CEP162: variants seen among roughly 807,000 people sequenced by gnomAD.
CEP162 encodes the protein centrosomal protein 162, also known as centrosomal protein of 162 kDa.
A neutral mutation model predicts 169.2 loss-of-function variants in CEP162; 141 were observed. The ratio of observed to expected loss-of-function variants is 0.83; its 90% CI spans 0.73 to 0.96. The LOEUF (loss-of-function observed/expected upper bound fraction) is 0.96, where lower values mean the gene tolerates loss of function less well. Among genes scored for constraint, CEP162 ranks in the 40% least tolerant of loss-of-function variants. The pLI is 0.00. For synonymous variants in CEP162, 540 were observed against 526.4 expected (o/e 1.03, Z -0.35); for missense variants, 1,600 against 1,587.2 (o/e 1.01, Z -0.14).
intron 6 of CEP162, among the ~76,000 whole-genome samples, chr6:84,205,255 G>T (rs1309691636): frequency 1.3e-5 from 2 of 152,066 alleles, no homozygotes; most frequent in Non-Finnish European, 2.9e-5. Flanking sequence ...ACCAAAGCCT[G>T]GCAGAGACAC....
chr6:84,125,987 T>C (rs1175033481), intron 26 of CEP162, among the ~76,000 whole-genome samples: 2 of 152,196 alleles, frequency 1.3e-5, no homozygotes, highest in Non-Finnish European at 2.9e-5. Flanking sequence ...TAATTAAGTA[T>C]AGTAATATTA....
chr6:84,204,091 A>C lies in CEP162; in HGVS notation c.577T>G (p.Tyr193Asp). 6.3e-7 allele frequency: 1 copy of C among 1,576,192 alleles called. No individual in the cohort carries two copies. The change falls in exon 7 of 27, where the codon TAC becomes GAC. Residue 193 changes from tyrosine to aspartate, a missense_variant. Tyr to Asp is a radical substitution (Grantham distance 160, BLOSUM62 -3). Transcript: ENST00000403245. ...TACTCATCTTCAAAATCATCACTGT[A>C]ATTTTCTGAAGAAAGTAATTTTTAA... is the stretch of plus-strand genomic sequence containing the variant. Reference protein sequence around the residue: ...ESKHEELAENYSDDFEDEYVG... With the variant: ...ESKHEELAENDSDDFEDEYVG...
chr6:84,189,543 C>T (rs1016938398), intron 11 of CEP162, among the ~76,000 whole-genome samples: 1 of 152,186 alleles, frequency 6.6e-6, no homozygotes, highest in Non-Finnish European at 1.5e-5. Context: ...TACTGAGTCC[C>T]CCAGCAGTGC....
At chr6:84,181,620 T>C (rs1319057607) in intron 13 of CEP162, among the ~76,000 whole-genome samples, 3 of 152,086 alleles carry the variant, frequency 2.0e-5, no homozygotes, top group Admixed American at 1.3e-4. Context: ...CGAAACCTTC[T>C]TGAAATAGCA....
intron 22 of CEP162, among the ~76,000 whole-genome samples, chr6:84,154,321 T>C (rs1455704495): frequency 1.5e-5 from 2 of 132,928 alleles, no homozygotes; most frequent in Admixed American, 6.9e-5. Flanking sequence ...GATATCTATC[T>C]ATCTATCTAT....
chr6:84,178,279 C>A (rs1176821007), intron 13 of CEP162, among the ~76,000 whole-genome samples: 3 of 150,846 alleles, frequency 2.0e-5, no homozygotes, highest in Non-Finnish European at 4.4e-5. Context: ...TTTTTTAAGT[C>A]CTTATCTTTA....
chr6:84,138,790 C>G (rs1177639139), intron 25 of CEP162, among the ~76,000 whole-genome samples: 1 of 152,144 alleles, frequency 6.6e-6, no homozygotes, highest in African/African-American at 2.4e-5. Context: ...ATTGCTTTCA[C>G]TAAAAACTTT....
intron 17 of CEP162, 61 bp from the exon 18 acceptor site, chr6:84,169,494 A>G: frequency 5.3e-6 from 5 of 934,634 alleles, no homozygotes; most frequent in Non-Finnish European, 8.0e-6. Flanking sequence ...CTTTCAGTAG[A>G]AAATATTCAA....
chr6:84,128,091 T>G (rs1004960392), intron 25 of CEP162, among the ~76,000 whole-genome samples: 1 of 152,206 alleles, frequency 6.6e-6, no homozygotes, highest in African/African-American at 2.4e-5. Flanking sequence ...ACCTCACTAT[T>G]CCTAGCACCC....
chr6:84,167,524 G>A (rs1309500115), intron 18 of CEP162, among the ~76,000 whole-genome samples: 5 of 152,132 alleles, frequency 3.3e-5, no homozygotes, highest in Non-Finnish European at 7.4e-5. Context: ...TCTAGGTTTT[G>A]TAATTTTGCA....
At chr6:84,214,904 C>T (rs2099550932) in intron 5 of CEP162, among the ~76,000 whole-genome samples, 3 of 152,170 alleles carry the variant, frequency 2.0e-5, no homozygotes, top group Non-Finnish European at 4.4e-5. Context: ...TCAAACTTGT[C>T]TTTGCTCCTT....
At chr6:84,176,908 G>A (rs1158916872) in intron 13 of CEP162, among the ~76,000 whole-genome samples, 2 of 150,232 alleles carry the variant, frequency 1.3e-5, no homozygotes, top group Non-Finnish European at 3.0e-5. Context: ...TTTTTTTTGA[G>A]ACAGAGTCTC....
chr6:84,161,935 C>A (rs762039934), intron 19 of CEP162, 26 bp from the exon 20 acceptor site: 1 of 1,370,766 alleles, frequency 7.3e-7, no homozygotes, highest in Admixed American at 2.3e-5. Context: ...ACTCAATAAC[C>A]TGCTTGTTGT....
At chr6:84,208,931 C>A (rs1588878879) in intron 6 of CEP162, among the ~76,000 whole-genome samples, 1 of 152,108 alleles carries the variant, frequency 6.6e-6, no homozygotes, top group African/African-American at 2.4e-5. Flanking sequence ...AAGTGACCCT[C>A]GAGATTAGAC....
chr6:84,192,800 G>T (rs946653975), intron 11 of CEP162, among the ~76,000 whole-genome samples: 3 of 152,166 alleles, frequency 2.0e-5, no homozygotes, highest in African/African-American at 7.2e-5. Context: ...CTTGGGCAAT[G>T]GCTTTATTTA....
At chr6:84,193,770 T>C in intron 10 of CEP162, 80 bp from the exon 11 acceptor site, 2 of 734,484 alleles carry the variant, frequency 2.7e-6, no homozygotes, top group Admixed American at 3.0e-5. Context: ...ACCAAAATTA[T>C]ATTTTCTCTG....
intron 23 of CEP162, among the ~76,000 whole-genome samples, chr6:84,150,142 C>T (rs568682572): frequency 2.0e-5 from 3 of 152,186 alleles, no homozygotes; most frequent in African/African-American, 4.8e-5. Context: ...CATGAGACTC[C>T]AGGGCTAGTT....
chr6:84,126,718 C>A (rs915905398), intron 25 of CEP162, among the ~76,000 whole-genome samples: 1 of 152,090 alleles, frequency 6.6e-6, no homozygotes, highest in Admixed American at 6.6e-5. Context: ...TAAGAGGTTC[C>A]GGATGAATGG....
intron 2 of CEP162, among the ~76,000 whole-genome samples, chr6:84,223,520 TAAATAAATAA>T (rs1037907604): frequency 2.7e-5 from 4 of 147,388 alleles, no homozygotes; most frequent in African/African-American, 1.0e-4. Context: ...AATAAATAAA[TAAATAAATAA>T]AAATAAAAAT....
Sources: allele counts gnomAD v4.1 joint callset (sites outside exome capture counted in the v4.1 genomes callset), GRCh38; gene constraint gnomAD v4.1.1; transcripts MANE v1.5; gene names NCBI Gene and HGNC (gene_info 2026-07-23, HGNC 2026-07-21).